The following TNFRSF4 variants were observed in gnomAD, a reference collection of about 807,000 sequenced individuals.
TNFRSF4 encodes the protein TNF receptor superfamily member 4, also known as tumor necrosis factor receptor superfamily member 4.
Under a neutral mutation model 29.5 loss-of-function variants are expected in TNFRSF4, and 21 were observed. That is an observed-to-expected ratio of 0.71 (90% CI 0.51 to 1.03). TNFRSF4 has a LOEUF of 1.03. Ranked by LOEUF, TNFRSF4 falls within the 50% of genes least tolerant of loss-of-function variation. TNFRSF4 has a pLI of 0.00. For missense variants in TNFRSF4, 408 were observed against 387.8 expected, an observed-to-expected ratio of 1.05 and a Z score of -0.44; for synonymous variants, 197 against 172.7, an observed-to-expected ratio of 1.14 and a Z score of -1.10.
chr1:1,211,680 G>A, intron 6 of TNFRSF4, 24 bp downstream of exon 6: 1 of 1,587,586 alleles, frequency 6.3e-7, no homozygotes, highest in Non-Finnish European at 8.6e-7. Flanking sequence ...CAGGAGCAGT[G>A]CGGCAGGGCC....
In TNFRSF4 at chr1:1,212,067, T is replaced by A. The variant is rs1262384227; in HGVS notation, c.509A>T (p.Asp170Val). The change falls in exon 5 of 7, where the codon GAC (aspartate) becomes GTC (valine). Residue 170 changes from aspartate to valine, a missense_variant. Physicochemically the swap from Asp to Val is radical, Grantham distance 152. Coordinates refer to ENST00000379236, the MANE Select transcript of TNFRSF4 (RefSeq NM_003327.4). Reference protein sequence around the residue: ...NSSDAICEDRDPPATQPQETQ... With the variant: ...NSSDAICEDRVPPATQPQETQ... Reference sequence around the variant, plus strand: ...CTCCTGGGGCTGCGTGGCTGGGGGGTCCCTGTCCTCACAGATTGCGTCCGA... The same window carrying A: ...CTCCTGGGGCTGCGTGGCTGGGGGGACCCTGTCCTCACAGATTGCGTCCGA... 1 of 1,611,288 alleles carries A rather than the reference T, an allele frequency of 6.2e-7. No homozygotes were observed. The highest frequency in any genetic ancestry group is 2.2e-5 in the East Asian group (1 of 44,814).
Position 1,212,684 on chromosome 1 carries a change from C to G in TNFRSF4, c.391G>C (p.Gly131Arg), listed in dbSNP as rs771330950. The G allele has an allele frequency of 9.5e-6, 15 of 1,572,576 alleles. No homozygotes were observed. The highest frequency in any genetic ancestry group is 1.8e-5 in the Admixed American group (1 of 55,458). The change falls in exon 4 of 7, where the codon GGG becomes CGG. Residue 131 changes from glycine (G) to arginine (R), a missense_variant. Gly to Arg is a moderately radical substitution (Grantham distance 125). Coordinates refer to ENST00000379236, the MANE Select transcript of TNFRSF4 (RefSeq NM_003327.4). ...TGGTTGTCGCCTGGGGAGAAGTGCCCTGGAGGGCAGGGGGCACAGTCTGCA... is the reference window on the plus strand; with the variant it reads ...TGGTTGTCGCCTGGGGAGAAGTGCCGTGGAGGGCAGGGGGCACAGTCTGCA... ...PGVDCAPCPP[G>R]HFSPGDNQAC...
Position 1,211,597 on chromosome 1 carries a change from T to C in TNFRSF4, c.792A>G (p.Gln264=), listed in dbSNP as rs1649104182. ...TGGAGTGGGCGTCGGCCTGCTCCTC[T>C]TGGATGGGGGTCCGGAAACTGCCTC... ...PGGGSFRTPI[Q]EEQADAHSTL... The change falls in exon 7 of 7, where the codon CAA becomes CAG. Residue 264 remains glutamine (Q), a synonymous_variant. Coordinates refer to ENST00000379236, the MANE Select transcript of TNFRSF4 (RefSeq NM_003327.4). 1 of 1,528,400 alleles carries C rather than the reference T, an allele frequency of 6.5e-7. No individual in the cohort carries two copies. Among genetic ancestry groups the C allele is most frequent in the Non-Finnish European group, 8.8e-7 (1 of 1,139,700 alleles). The allele number at this position is 1,528,400 out of a possible 1,614,324, so 94.7% of individuals were successfully genotyped here. A position where few individuals can be genotyped will look rare whatever the true frequency, so the allele number is the denominator to read the frequency against.
chr1:1,214,039 T>G lies in TNFRSF4; in HGVS notation c.89A>C (p.His30Pro), dbSNP rs1570468276. ...GCTGGGGTAGGTGTCCCCGACACAG[T>G]GGAGCCCCGTCACGGTGCTCAGCCC... ...GLGLSTVTGL[H>P]CVGDTYPSND... The change falls in exon 1 of 7, where the codon CAC becomes CCC. Residue 30 changes from histidine to proline, a missense_variant. Transcript: ENST00000379236. This position sits in a 1 kb window ranked among gnomAD's most constrained non-coding sequence, Gnocchi z 4.2. 4 of 1,603,716 alleles carry G rather than the reference T, an allele frequency of 2.5e-6. No homozygotes were observed. Among genetic ancestry groups the G allele is most frequent in the Non-Finnish European group, 3.4e-6 (4 of 1,177,660 alleles).
chr1:1,212,227 C>A (rs2100951255), intron 4 of TNFRSF4, 89 bp from the exon 5 acceptor site: 1 of 1,415,308 alleles, frequency 7.1e-7, no homozygotes, highest in African/African-American at 1.4e-5. Flanking sequence ...CGCTGGCCAG[C>A]CACAGGCAGC....
intron 5 of TNFRSF4, 21 bp from the exon 6 acceptor site, chr1:1,211,853 G>T: frequency 6.5e-7 from 1 of 1,530,916 alleles, no homozygotes; most frequent in South Asian, 1.2e-5. Context: ...GGGTCTGCTG[G>T]GTGGGGTCCA....
chr1:1,212,633 C>A lies in TNFRSF4; in HGVS notation c.437+5G>T. The A allele has an allele frequency of 6.5e-7, 1 of 1,531,970 alleles. No individual in the cohort carries two copies. The highest frequency in any genetic ancestry group is 8.8e-7 in the Non-Finnish European group (1 of 1,137,896). 94.9% of individuals were successfully genotyped at this position (1,531,970 alleles called of 1,614,324 possible). ...CCCCTCCCAGCCCCTGGCCAGGCCC[C>A]TCACTTGGTCCAGGGCTTGCAGGCC... On this transcript the variant is annotated splice_donor_5th_base_variant and intron_variant, in intron 4 of 6. Transcript: ENST00000379236.
rs966997733 is a variant in TNFRSF4, at chr1:1,211,849, G to A, written c.635-17C>T. On this transcript the variant is annotated splice_polypyrimidine_tract_variant and intron_variant, in intron 5 of 6. Transcript: ENST00000379236. ...CCGCACGGCCTGCAGGAAGGGGTCTGCTGGGTGGGGTCCACAGGAGGGGCC... is the reference window on the plus strand; with the variant it reads ...CCGCACGGCCTGCAGGAAGGGGTCTACTGGGTGGGGTCCACAGGAGGGGCC... The A allele has an allele frequency of 6.5e-7, 1 of 1,532,876 alleles. No individual in the cohort carries two copies. Among genetic ancestry groups the A allele is most frequent in the Admixed American group, 2.0e-5 (1 of 49,102 alleles). The allele number at this position is 1,532,876 out of a possible 1,614,324, so 95.0% of individuals were successfully genotyped here.
intron 5 of TNFRSF4, 46 bp downstream of exon 5, chr1:1,211,896 C>T (rs1362424177): frequency 6.6e-7 from 1 of 1,508,830 alleles, no homozygotes; most frequent in East Asian, 2.4e-5. Flanking sequence ...CTCCCCTTCT[C>T]CTATTCGGGT....
chr1:1,212,141 G>A lies in TNFRSF4; in HGVS notation c.438-3C>T. ...TGTGCTTCCCAGCCAAGGTGCAGCT[G>A]TTGGGGAACAGGAGGTGTTGCTCAG... On this transcript the variant is annotated splice_region_variant and splice_polypyrimidine_tract_variant and intron_variant, in intron 4 of 6. Coordinates refer to ENST00000379236, the MANE Select transcript of TNFRSF4 (RefSeq NM_003327.4). The A allele has an allele frequency of 2.5e-6, 4 of 1,612,458 alleles. No homozygotes were observed. The highest frequency in any genetic ancestry group is 2.5e-6 in the Non-Finnish European group (3 of 1,179,716).
chr1:1,213,180 C>T (rs779745217), intron 2 of TNFRSF4, 87 bp from the exon 3 acceptor site: 1 of 1,538,858 alleles, frequency 6.5e-7, no homozygotes, highest in Non-Finnish European at 8.7e-7. Flanking sequence ...ACAGGTTGGC[C>T]TCCCCACCAC....
In TNFRSF4 at chr1:1,212,624, G is replaced by T. The variant is rs778519697; in HGVS notation, c.437+14C>A. 26 of 1,506,216 alleles carry T rather than the reference G, an allele frequency of 1.7e-5. No individual in the cohort carries two copies. The Admixed American group carries it at 4.2e-4, about 24-fold the overall frequency. 93.3% of individuals were successfully genotyped at this position (1,506,216 alleles called of 1,614,324 possible). On this transcript the variant is annotated intron_variant, in intron 4 of 6. Coordinates refer to ENST00000379236, the MANE Select transcript of TNFRSF4 (RefSeq NM_003327.4). ...CCCCCCCAGCCCCTCCCAGCCCCTG[G>T]CCAGGCCCCTCACTTGGTCCAGGGC... is the stretch of plus-strand genomic sequence containing the variant.
rs775834591 is a variant in TNFRSF4 at position 1,211,573 on chromosome 1, G to A, written c.816C>T (p.Ser272=). 7 of 1,512,048 alleles carry A rather than the reference G, an allele frequency of 4.6e-6. No individual in the cohort carries two copies. Among genetic ancestry groups the A allele is most frequent in the East Asian group, 4.8e-5 (2 of 41,976 alleles). 93.7% of individuals were successfully genotyped at this position (1,512,048 alleles called of 1,614,324 possible). ...GCCCAGGTCAGATCTTGGCCAGGGT[G>A]GAGTGGGCGTCGGCCTGCTCCTCTT... ...PIQEEQADAH[S]TLAKI Residue 272 remains serine, a synonymous_variant, in exon 7 of 7, where the codon TCC becomes TCT. Transcript: ENST00000379236.
At chr1:1,212,971 G>A (rs375304659) in intron 3 of TNFRSF4, 21 bp downstream of exon 3, 53 of 1,599,260 alleles carry the variant, frequency 3.3e-5, no homozygotes, top group African/African-American at 1.1e-4. Context: ...CCCAACCGCC[G>A]GCCGCAGCCA....
In TNFRSF4 at chr1:1,212,087, G is replaced by T. The variant is rs768010168; in HGVS notation, c.489C>A (p.Asp163Glu). ...GGGGGTCCCTGTCCTCACAGATTGC[G>T]TCCGAGCTATTGCTGGCCGGCTGCA... ...HTLQPASNSS[D>E]AICEDRDPPA... Residue 163 changes from aspartate (D) to glutamate (E), a missense_variant, in exon 5 of 7, where the codon GAC becomes GAA. Coordinates refer to ENST00000379236, the MANE Select transcript of TNFRSF4 (RefSeq NM_003327.4). 1 of 1,612,576 alleles carries T rather than the reference G, an allele frequency of 6.2e-7. No homozygotes were observed. The highest frequency in any genetic ancestry group is 1.1e-5 in the South Asian group (1 of 91,028).
At position 1,212,026 on chromosome 1, in the gene TNFRSF4, C is replaced by T; in HGVS notation, c.550G>A (p.Ala184Thr). The T allele has an allele frequency of 6.2e-7, 1 of 1,610,610 alleles. No homozygotes were observed. The highest frequency in any genetic ancestry group is 1.1e-5 in the South Asian group (1 of 90,752). Residue 184 changes from alanine to threonine, a missense_variant, in exon 5 of 7, where the codon GCC becomes ACC. Transcript: ENST00000379236. ...GTGGGCTGGACAGTGATGGGCCTGG[C>T]CGGGGGGCCCTGGGTCTCCTGGGGC... ...TQPQETQGPP[A>T]RPITVQPTEA...
In TNFRSF4 at chr1:1,213,682, G is replaced by A. The variant is rs1557508394; in HGVS notation, c.249C>T (p.Pro83=). ...NDVVSSKPCK[P]CTWCNLRSGS... The stretch of plus-strand genomic sequence containing the variant: ...GCTCACTGAGGTTACACCACGTGCA[G>A]GGCTTGCACGGCTTGGAGCTGACCA... Residue 83 remains proline, a synonymous_variant, in exon 2 of 7, where the codon CCC becomes CCT. Transcript: ENST00000379236. 1.9e-6 allele frequency: 3 copies of A among 1,594,512 alleles called. No individual in the cohort carries two copies. Among genetic ancestry groups the A allele is most frequent in the South Asian group, 1.1e-5 (1 of 87,954 alleles).
chr1:1,212,596 A>AACCCC, intron 4 of TNFRSF4, 42 bp downstream of exon 4: 102 of 845,296 alleles, frequency 1.2e-4, no homozygotes, highest in Non-Finnish European at 1.4e-4. Flanking sequence ...AACCACCCCA[A>AACCCC]CCCCCCCCCA....
intron 1 of TNFRSF4, 40 bp from the exon 2 acceptor site, chr1:1,213,825 G>A (rs766479166): frequency 2.5e-5 from 39 of 1,559,252 alleles, no homozygotes; most frequent in Non-Finnish European, 3.2e-5. Context: ...TCAGGCCCCA[G>A]GCTTGCGCCC....
Sources: allele counts gnomAD v4.1 joint callset, GRCh38; gene constraint gnomAD v4.1.1; non-coding constraint Gnocchi (gnomAD v3.1); transcripts MANE v1.5; gene names NCBI Gene and HGNC (gene_info 2026-07-23, HGNC 2026-07-21).